Variants in CAMK1D observed in about 807,000 individuals in gnomAD.
The protein encoded by CAMK1D is calcium/calmodulin dependent protein kinase ID.
In CAMK1D, 9 loss-of-function variants were observed where a neutral mutation model predicts 47.7. The observed-to-expected ratio is 0.19, with a 90% CI of 0.11 to 0.33. CAMK1D has a LOEUF of 0.33. Ranked by LOEUF, CAMK1D falls within the 10% of genes least tolerant of loss-of-function variation. The pLI is 1.00. For synonymous variants in CAMK1D, 184 were observed against 184.9 expected, an observed-to-expected ratio of 0.99 and a Z score of 0.04; for missense variants, 291 against 488.7, an observed-to-expected ratio of 0.60 and a Z score of 3.81.
At chr10:12,564,860 T>C (rs886189868) in intron 2 of CAMK1D, among the ~76,000 whole-genome samples, 1 of 152,230 alleles carries the variant, frequency 6.6e-6, no homozygotes, top group African/African-American at 2.4e-5. Context: ...TATACACACA[T>C]GTAAATGTAC....
intron 1 of CAMK1D, among the ~76,000 whole-genome samples, chr10:12,540,383 A>G (rs1376031693): frequency 1.3e-5 from 2 of 152,230 alleles, no homozygotes; most frequent in African/African-American, 4.8e-5. Context: ...GGAGCCTGTC[A>G]GAGAAGTGAA....
chr10:12,571,408 CA>C (rs1439459934), intron 2 of CAMK1D, among the ~76,000 whole-genome samples: 2 of 133,410 alleles, frequency 1.5e-5, no homozygotes, highest in Admixed American at 8.8e-5. Context: ...GAGATCGCAA[CA>C]CTGCACTGCA....
chr10:12,606,816 G>A (rs953023195), intron 2 of CAMK1D, among the ~76,000 whole-genome samples: 4 of 152,082 alleles, frequency 2.6e-5, no homozygotes, highest in Admixed American at 1.3e-4. Flanking sequence ...CAGCAAGGAA[G>A]TGACAGATAA....
intron 3 of CAMK1D, among the ~76,000 whole-genome samples, chr10:12,699,808 A>T (rs1471364710): frequency 6.6e-6 from 1 of 152,180 alleles, no homozygotes; most frequent in Non-Finnish European, 1.5e-5. Flanking sequence ...TTCATAAGGC[A>T]TCAATGATTT....
intron 3 of CAMK1D, among the ~76,000 whole-genome samples, chr10:12,688,980 G>A (rs1044834898): frequency 3.9e-5 from 6 of 152,342 alleles, no homozygotes; most frequent in African/African-American, 1.4e-4. Context: ...ACCACGCCCA[G>A]CCCATTCTTT....
chr10:12,669,008 G>A (rs1332128159), intron 3 of CAMK1D, among the ~76,000 whole-genome samples: 1 of 152,168 alleles, frequency 6.6e-6, no homozygotes, highest in Admixed American at 6.5e-5. Flanking sequence ...GAGGCTGGCA[G>A]ATCATTTAAA....
chr10:12,488,061 C>A (rs1054279642), intron 1 of CAMK1D, among the ~76,000 whole-genome samples: 1 of 152,190 alleles, frequency 6.6e-6, no homozygotes, highest in Non-Finnish European at 1.5e-5. Flanking sequence ...TCACAGCCAT[C>A]ATTCCCTCTA....
At chr10:12,772,076 A>G (rs1353222421) in intron 5 of CAMK1D, among the ~76,000 whole-genome samples, 1 of 151,590 alleles carries the variant, frequency 6.6e-6, no homozygotes, top group Non-Finnish European at 1.5e-5. Context: ...ATAGAAATCA[A>G]CAACATAGTA....
intron 1 of CAMK1D, among the ~76,000 whole-genome samples, chr10:12,404,960 T>C (rs1839366387): frequency 6.6e-6 from 1 of 152,076 alleles, no homozygotes; most frequent in South Asian, 2.1e-4. Flanking sequence ...GCTGGGATTA[T>C]AGACATGAGC....
chr10:12,817,168 C>T (rs1157477678), intron 8 of CAMK1D, among the ~76,000 whole-genome samples: 1 of 152,190 alleles, frequency 6.6e-6, no homozygotes, highest in Non-Finnish European at 1.5e-5. Context: ...AGGTCCCTCC[C>T]ACAACACGTG....
intron 1 of CAMK1D, among the ~76,000 whole-genome samples, chr10:12,446,162 A>G (rs953750093): frequency 1.3e-5 from 2 of 152,172 alleles, no homozygotes; most frequent in African/African-American, 4.8e-5. Flanking sequence ...GCAAGAGAGA[A>G]TTCAGGGCAA....
At chr10:12,422,305 G>A (rs886070882) in intron 1 of CAMK1D, among the ~76,000 whole-genome samples, 4 of 152,196 alleles carry the variant, frequency 2.6e-5, no homozygotes, top group Admixed American at 1.3e-4. Flanking sequence ...GATTTTAGTC[G>A]TGTGTAACAG....
intron 3 of CAMK1D, among the ~76,000 whole-genome samples, chr10:12,674,884 T>C (rs961132295): frequency 1.3e-5 from 2 of 151,658 alleles, no homozygotes; most frequent in African/African-American, 4.8e-5. Flanking sequence ...ATACAAAAAT[T>C]AGCTCGGTGT....
chr10:12,593,743 T>G (rs914630653), intron 2 of CAMK1D, among the ~76,000 whole-genome samples: 7 of 152,190 alleles, frequency 4.6e-5, no homozygotes, highest in Non-Finnish European at 1.0e-4. Flanking sequence ...CCTGTGGCCT[T>G]TATCCTTCCT....
intron 3 of CAMK1D, among the ~76,000 whole-genome samples, chr10:12,705,460 C>CA (rs1037071554): frequency 2.1e-4 from 32 of 150,660 alleles, no homozygotes; most frequent in East Asian, 1.4e-3. Flanking sequence ...GACTCCAGCT[C>CA]AAAAAAAAGA....
chr10:12,634,885 C>T (rs1252166011), intron 2 of CAMK1D, among the ~76,000 whole-genome samples: 3 of 152,130 alleles, frequency 2.0e-5, no homozygotes, highest in African/African-American at 7.2e-5. Context: ...TGCCCATGTT[C>T]AGTGGGACTT....
At chr10:12,815,047 G>A (rs542715776) in intron 7 of CAMK1D, among the ~76,000 whole-genome samples, 3 of 152,348 alleles carry the variant, frequency 2.0e-5, no homozygotes, top group African/African-American at 7.2e-5. Flanking sequence ...AGGACAGCCT[G>A]TCAGGCGGGT....
At chr10:12,684,701 A>G (rs974811795) in intron 3 of CAMK1D, among the ~76,000 whole-genome samples, 5 of 152,170 alleles carry the variant, frequency 3.3e-5, no homozygotes, top group African/African-American at 1.2e-4. Context: ...GTGTAAATAT[A>G]TATTATACAT....
intron 1 of CAMK1D, among the ~76,000 whole-genome samples, chr10:12,355,459 T>C (rs1308152157): frequency 3.3e-5 from 5 of 151,978 alleles, no homozygotes; most frequent in South Asian, 2.1e-4. Flanking sequence ...TGTTTGTGTG[T>C]GCGTGTGTGT....
Sources: allele counts gnomAD v4.1 joint callset (sites outside exome capture counted in the v4.1 genomes callset), GRCh38; gene constraint gnomAD v4.1.1; transcripts MANE v1.5; gene names NCBI Gene and HGNC (gene_info 2026-07-23, HGNC 2026-07-21).